The following KHDRBS2 variants were observed in gnomAD, a reference collection of about 807,000 sequenced individuals.
KHDRBS2 encodes the protein KH domain-containing, RNA-binding, signal transduction-associated protein 2.
In KHDRBS2, 26 loss-of-function variants were observed where a neutral mutation model predicts 44.3. The ratio of observed to expected loss-of-function variants is 0.59; its 90% CI spans 0.43 to 0.81. The LOEUF is 0.81. Among genes scored for constraint, KHDRBS2 ranks in the 40% least tolerant of loss-of-function variants. KHDRBS2 has a pLI of 0.00. For synonymous variants in KHDRBS2, 194 were observed against 151.1 expected (o/e 1.28, Z -2.08); for missense variants, 476 against 433.1 (o/e 1.10, Z -0.88).
At chr6:61,670,072 A>G in the KHDRBS2 span, among the ~76,000 whole-genome samples, 1 of 151,254 alleles carries the variant, frequency 6.6e-6, no homozygotes, top group Non-Finnish European at 1.5e-5. Flanking sequence ...ATTAACAGCT[A>G]TCTCTGAGGA....
chr6:61,679,214 A>C (rs554198565), downstream of KHDRBS2, among the ~76,000 whole-genome samples: 3 of 152,004 alleles, frequency 2.0e-5, no homozygotes, highest in African/African-American at 7.2e-5. Flanking sequence ...CCTAGCATCA[A>C]GTCTTTCACT....
Position 61,718,485 on chromosome 6 carries a change from G to T in KHDRBS2, c.893+14197C>A, listed in dbSNP as rs559208146. ...ATGTTGTGCTGGATCTTTTCAATTT[G>T]CTGTCCCACTTTCTTTCTTGCCTCC... On this transcript the variant is annotated intron_variant, in intron 7 of 8. Coordinates refer to ENST00000281156, the MANE Select transcript of KHDRBS2 (RefSeq NM_152688.4). Among the ~76,000 whole-genome samples the T allele has an allele frequency of 3.3e-5, 5 of 152,120 alleles. No homozygotes were observed. The South Asian group carries it at 1.0e-3, about 32-fold the overall frequency.
At chr6:62,283,101 C>T (rs1394020717) in intron 1 of KHDRBS2, among the ~76,000 whole-genome samples, 1 of 152,218 alleles carries the variant, frequency 6.6e-6, no homozygotes, top group African/African-American at 2.4e-5. Flanking sequence ...AAAGCACCTA[C>T]CATAACAAGT....
At chr6:62,109,666 C>A (rs1487738249) in intron 2 of KHDRBS2, among the ~76,000 whole-genome samples, 1 of 151,214 alleles carries the variant, frequency 6.6e-6, no homozygotes, top group Non-Finnish European at 1.5e-5. Context: ...ATACCAGTTA[C>A]AATAGCATCT....
Position 62,128,544 on chromosome 6 carries a change from ATCTCTC to A in KHDRBS2, c.219+48635_219+48640del, listed in dbSNP as rs5876776. On this transcript the variant is annotated intron_variant, in intron 2 of 8. Transcript: ENST00000281156. ...AATGATCTCTAAATTTCTTTTAATG[ATCTCTC>A]TCTCTCTCTCTCTCTCTCTCTTCCT... 2.8e-3 allele frequency among the ~76,000 whole-genome samples: 423 copies of A among 148,724 alleles called. 2 individuals carry two copies. Among genetic ancestry groups the A allele is most frequent in the Middle Eastern group, 0.014 (4 of 280 alleles).
At chr6:61,781,919 C>T (rs573000458) in intron 6 of KHDRBS2, among the ~76,000 whole-genome samples, 5 of 152,172 alleles carry the variant, frequency 3.3e-5, no homozygotes, top group African/African-American at 1.2e-4. Context: ...ATACTGAGCA[C>T]CTATAATGAT....
At chr6:62,075,551 A>T (rs1442697553) in intron 2 of KHDRBS2, among the ~76,000 whole-genome samples, 1 of 151,938 alleles carries the variant, frequency 6.6e-6, no homozygotes, top group African/African-American at 2.4e-5. Context: ...CACAGATTAC[A>T]ATTTGCCTTT....
At chr6:61,911,144 C>T (rs1259089891) in intron 4 of KHDRBS2, among the ~76,000 whole-genome samples, 1 of 152,084 alleles carries the variant, frequency 6.6e-6, no homozygotes. Context: ...GGATATAGGT[C>T]CCGTGGGTGA....
intron 6 of KHDRBS2, among the ~76,000 whole-genome samples, chr6:61,834,910 G>A (rs1306654601): frequency 6.6e-6 from 1 of 151,840 alleles, no homozygotes; most frequent in Non-Finnish European, 1.5e-5. Flanking sequence ...TATGAATTAT[G>A]GTTTGTTGAT....
chr6:61,828,094 G>A (rs1791201344), intron 6 of KHDRBS2, among the ~76,000 whole-genome samples: 1 of 152,136 alleles, frequency 6.6e-6, no homozygotes, highest in African/African-American at 2.4e-5. Flanking sequence ...AGAAGGATCT[G>A]GGAGACATCT....
chr6:62,177,718 C>T (rs1459945370), intron 1 of KHDRBS2, among the ~76,000 whole-genome samples: 4 of 151,128 alleles, frequency 2.6e-5, no homozygotes, highest in Admixed American at 6.6e-5. Context: ...TTTATTTTTA[C>T]TCAGAATTAT....
chr6:61,551,131 C>T, the KHDRBS2 span, among the ~76,000 whole-genome samples: 122,212 of 152,100 alleles, frequency 0.8, 49,542 homozygotes, highest in African/African-American at 0.9. Context: ...GTGATAAGCA[C>T]TTTTTTCATA....
rs185790963 is a variant in KHDRBS2, at chr6:61,775,947, A to G, written c.811-43183T>C. Among the ~76,000 whole-genome samples, 574 of 152,352 alleles carry G rather than the reference A, an allele frequency of 3.8e-3. 4 individuals are homozygous for G. Among genetic ancestry groups the G allele is most frequent in the Middle Eastern group, 0.014 (4 of 294 alleles). On this transcript the variant is annotated intron_variant, in intron 6 of 8. Transcript: ENST00000281156. The stretch of plus-strand genomic sequence containing the variant: ...GGTACTGGTACCAAAACAGAGATAT[A>G]GATCAATGGAACAGAACAGAACCCT...
At chr6:61,773,820 A>G (rs1035913452) in intron 6 of KHDRBS2, among the ~76,000 whole-genome samples, 4 of 150,088 alleles carry the variant, frequency 2.7e-5, no homozygotes, top group East Asian at 1.9e-4. Context: ...TAATTTTTGT[A>G]TAAGGTGTAA....
At chr6:61,891,580 G>T (rs1225936406) in intron 6 of KHDRBS2, among the ~76,000 whole-genome samples, 1 of 152,116 alleles carries the variant, frequency 6.6e-6, no homozygotes, top group East Asian at 1.9e-4. Context: ...TTTTTGGGAT[G>T]CAAGACTGGT....
chr6:61,740,954 A>G (rs1776049053), intron 6 of KHDRBS2, among the ~76,000 whole-genome samples: 1 of 151,888 alleles, frequency 6.6e-6, no homozygotes, highest in South Asian at 2.1e-4. Context: ...GACAAACTTA[A>G]TTTACAGAAA....
intron 3 of KHDRBS2, among the ~76,000 whole-genome samples, chr6:61,994,418 C>G (rs1562602686): frequency 6.6e-6 from 1 of 152,170 alleles, no homozygotes; most frequent in Non-Finnish European, 1.5e-5. Flanking sequence ...CTCTACCATT[C>G]CCCTTTTGAG....
chr6:62,136,993 C>CTTTTTTTTT (rs141092447), intron 2 of KHDRBS2, among the ~76,000 whole-genome samples: 287 of 78,294 alleles, frequency 3.7e-3, no homozygotes, highest in South Asian at 4.8e-3. Context: ...TCTTTCTTTT[C>CTTTTTTTTT]TTTTTTTTTT....
chr6:61,723,870 G>A (rs1276942557), intron 7 of KHDRBS2, among the ~76,000 whole-genome samples: 1 of 152,170 alleles, frequency 6.6e-6, no homozygotes, highest in Non-Finnish European at 1.5e-5. Flanking sequence ...AGGAGAGGGA[G>A]AATGGAACGA....
Sources: gnomAD v4.1 joint callset for allele counts (sites outside exome capture counted in the v4.1 genomes callset) on GRCh38, gnomAD v4.1.1 for gene constraint, MANE v1.5 for transcripts, NCBI Gene and HGNC (gene_info 2026-07-23, HGNC 2026-07-21) for gene names.